The following PNLIPRP3 variants were observed in gnomAD, a reference collection of about 807,000 sequenced individuals.
PNLIPRP3 encodes pancreatic lipase-related protein 3.
Under a neutral mutation model 52.8 loss-of-function variants are expected in PNLIPRP3, and 58 were observed. The ratio of observed to expected loss-of-function variants is 1.10; its 90% CI spans 0.89 to 1.37. The LOEUF is 1.37. PNLIPRP3 is among the 40% of genes most tolerant of loss of function. The probability of loss-of-function intolerance (pLI) is 0.00; values close to 1 mark genes in which losing one functional copy is unlikely to be tolerated. For synonymous variants in PNLIPRP3, 192 were observed against 185.0 expected, an observed-to-expected ratio of 1.04 and a Z score of -0.31; for missense variants, 593 against 561.6, an observed-to-expected ratio of 1.06 and a Z score of -0.57.
chr10:116,443,284 T>C (rs1845884830), intron 3 of PNLIPRP3, 110 bp downstream of exon 3: 1 of 1,161,202 alleles, frequency 8.6e-7, no homozygotes, highest in African/African-American at 1.6e-5. Context: ...CATTCAGTTA[T>C]CCACAATTAT....
At chr10:116,437,401 C>T (rs1011963139) in intron 2 of PNLIPRP3, among the ~76,000 whole-genome samples, 6 of 152,028 alleles carry the variant, frequency 3.9e-5, no homozygotes, top group African/African-American at 1.2e-4. Flanking sequence ...GCAGGATGGG[C>T]AAAGTGCTCA....
chr10:116,446,698 CAA>C (rs1181423637), intron 4 of PNLIPRP3, among the ~76,000 whole-genome samples: 1 of 152,154 alleles, frequency 6.6e-6, no homozygotes, highest in Admixed American at 6.5e-5. Context: ...CAGTAACAGA[CAA>C]ATTTTCTTTG....
Position 116,466,156 on chromosome 10 carries a change from A to G in PNLIPRP3, c.915A>G (p.Thr305=). Residue 305 remains threonine (T), a synonymous_variant, in exon 8 of 12, where the codon ACA becomes ACG. Coordinates refer to ENST00000369230, the MANE Select transcript of PNLIPRP3 (RefSeq NM_001011709.3). ...TTGCTTATCCTTGTAGATCCTACACATCTTTTAAAGCAGTAAGTAAATCAT... is the reference window on the plus strand; with the variant it reads ...TTGCTTATCCTTGTAGATCCTACACGTCTTTTAAAGCAGTAAGTAAATCAT... ...AFIAYPCRSY[T]SFKAGNCFFC... is the part of the protein sequence containing the mutation. 3 of 1,598,980 alleles carry G rather than the reference A, an allele frequency of 1.9e-6. No individual in the cohort carries two copies. The highest frequency in any genetic ancestry group is 1.1e-5 in the South Asian group (1 of 90,182).
intron 1 of PNLIPRP3, among the ~76,000 whole-genome samples, chr10:116,431,903 C>A (rs992552459): frequency 6.6e-6 from 1 of 152,046 alleles, no homozygotes; most frequent in Non-Finnish European, 1.5e-5. Flanking sequence ...CATCTGCATG[C>A]GGTTTGCTCC....
intron 1 of PNLIPRP3, among the ~76,000 whole-genome samples, chr10:116,433,230 T>C (rs1459063362): frequency 7.2e-6 from 1 of 138,170 alleles, no homozygotes; most frequent in Non-Finnish European, 1.5e-5. Flanking sequence ...ATTGCATAAA[T>C]GCAAAATTTC....
At position 116,463,798 on chromosome 10, in the gene PNLIPRP3, T is replaced by G. The variant is rs148148496; in HGVS notation, c.809-2252T>G. Among the ~76,000 whole-genome samples the G allele has an allele frequency of 1.6e-4, 24 of 152,230 alleles. No individual in the cohort carries two copies. In the East Asian group the frequency reaches 4.6e-3, roughly 29 times the overall value. ...TAAGCTGTGTAGGTCATTCAAAGAA[T>G]AGTCCACGCCATTCAGTAAAAATAT... On this transcript the variant is annotated intron_variant, in intron 7 of 11. Transcript: ENST00000369230.
rs61729299 is a variant in PNLIPRP3, at chr10:116,455,757, G to A, written c.492G>A (p.Leu164=). ...KFEYSPSKVH[L]IGHSLGAHLA... ...AATATTCCCCTTCTAAAGTGCACTT[G>A]ATTGGCCACAGCTTGGGAGCACACC... Residue 164 remains leucine, a synonymous_variant, in exon 5 of 12, where the codon TTG becomes TTA. Transcript: ENST00000369230. 7,100 of 1,613,818 alleles carry A rather than the reference G, an allele frequency of 4.4e-3. 269 individuals carry two copies. In the African/African-American group the frequency reaches 0.084, roughly 19 times the overall value.
In PNLIPRP3 at chr10:116,460,974, C is replaced by G. The variant is rs755666360; in HGVS notation, c.574C>G (p.Pro192Ala). Residue 192 changes from proline to alanine, a missense_variant, in exon 6 of 12, where the codon CCA (proline) becomes GCA (alanine). Physicochemically the swap from Pro to Ala is conservative, Grantham distance 27. Coordinates refer to ENST00000369230, the MANE Select transcript of PNLIPRP3 (RefSeq NM_001011709.3). ...GGTTGTGCTTTCTCTAGGGTTGGAC[C>G]CAGCTGGGCCATTTTTCCACAACAC... ...PGLGRITGLD[P>A]AGPFFHNTPK... 4 of 1,611,620 alleles carry G rather than the reference C, an allele frequency of 2.5e-6. No homozygotes were observed. The South Asian group carries it at 4.4e-5, about 18-fold the overall frequency.
At chr10:116,449,015 CAAA>C (rs59582445) in intron 4 of PNLIPRP3, among the ~76,000 whole-genome samples, 2,763 of 133,894 alleles carry the variant, frequency 0.021, 35 homozygotes, top group Middle Eastern at 0.029. Context: ...GACTCCATCT[CAAA>C]AAAAAAAAAA....
Position 116,462,151 on chromosome 10 carries a change from A to G in PNLIPRP3, c.808+861A>G, listed in dbSNP as rs943329585. On this transcript the variant is annotated intron_variant, in intron 7 of 11. Transcript: ENST00000369230. ...TGGATGCTGTAATTACAAATTAAAC[A>G]AGTAGTATTTAACTTTTTATAGTAG... Among the ~76,000 whole-genome samples, 4 of 152,172 alleles carry G rather than the reference A, an allele frequency of 2.6e-5. No individual in the cohort carries two copies. The South Asian group carries it at 6.2e-4, about 24-fold the overall frequency.
At chr10:116,430,606 T>C (rs1283394758) in intron 1 of PNLIPRP3, among the ~76,000 whole-genome samples, 1 of 152,108 alleles carries the variant, frequency 6.6e-6, no homozygotes, top group Non-Finnish European at 1.5e-5. Flanking sequence ...CTGTAGGATT[T>C]ACACTGGATA....
rs1246956971 is a variant in PNLIPRP3 at position 116,444,456 on chromosome 10, T to C, written c.399T>C (p.Ala133=). 14 of 1,613,442 alleles carry C rather than the reference T, an allele frequency of 8.7e-6. No homozygotes were observed. Among genetic ancestry groups the C allele is most frequent in the Middle Eastern group, 1.6e-4 (1 of 6,080 alleles). Residue 133 remains alanine, a synonymous_variant, in exon 4 of 12, where the codon GCT becomes GCC. Transcript: ENST00000369230. Reference sequence around the variant, plus strand: ...ACGGTTCACGGGAATACATCCATGCTGTAAACAATCTCCGTGTTGTTGGTG... The same window carrying C: ...ACGGTTCACGGGAATACATCCATGCCGTAAACAATCTCCGTGTTGTTGGTG... The part of the protein sequence containing the change: ...WINGSREYIH[A]VNNLRVVGAE...
intron 1 of PNLIPRP3, among the ~76,000 whole-genome samples, chr10:116,428,354 T>C (rs562828124): frequency 6.6e-6 from 1 of 152,178 alleles, no homozygotes; most frequent in African/African-American, 2.4e-5. Context: ...TGCCGGACAG[T>C]CTTGTGTTGG....
intron 7 of PNLIPRP3, among the ~76,000 whole-genome samples, chr10:116,462,673 G>A (rs1164102258): frequency 6.6e-6 from 1 of 152,078 alleles, no homozygotes; most frequent in Non-Finnish European, 1.5e-5. Flanking sequence ...TCATACAAAA[G>A]AGGCATATTA....
intron 4 of PNLIPRP3, among the ~76,000 whole-genome samples, chr10:116,451,428 A>T (rs927467777): frequency 1.1e-4 from 16 of 152,192 alleles, no homozygotes; most frequent in Non-Finnish European, 2.4e-4. Context: ...AAATAGACAA[A>T]GAGGAGGATG....
intron 4 of PNLIPRP3, among the ~76,000 whole-genome samples, chr10:116,450,870 GCTATCTA>G (rs1217389142): frequency 6.6e-6 from 1 of 151,992 alleles, no homozygotes; most frequent in Non-Finnish European, 1.5e-5. Context: ...ACTACCCAAA[GCTATCTA>G]CAGATTCAAC....
intron 5 of PNLIPRP3, 133 bp from the exon 6 acceptor site, chr10:116,460,833 G>T (rs1201257535): frequency 5.0e-6 from 6 of 1,210,710 alleles, no homozygotes; most frequent in Admixed American, 2.5e-5. Context: ...ATAGATTTAG[G>T]TTATGTATCT....
Position 116,471,756 on chromosome 10 carries a change from C to T in PNLIPRP3, c.1061-12C>T, listed in dbSNP as rs774330560. ...CTTTCTCTCCCTTTCCTTCTTGTTT[C>T]CTTATATCTAGGTTGGAGGCACAAA... is the stretch of plus-strand genomic sequence containing the variant. On this transcript the variant is annotated splice_polypyrimidine_tract_variant and intron_variant, in intron 9 of 11. Transcript: ENST00000369230. The T allele has an allele frequency of 2.6e-6, 4 of 1,563,820 alleles. No homozygotes were observed. The highest frequency in any genetic ancestry group is 2.2e-5 in the South Asian group (2 of 89,642).
chr10:116,456,817 A>G (rs1358220422), intron 5 of PNLIPRP3, among the ~76,000 whole-genome samples: 1 of 152,024 alleles, frequency 6.6e-6, no homozygotes, highest in Non-Finnish European at 1.5e-5. Flanking sequence ...CGTCTCCTTC[A>G]TCTGCCTTTT....
Sources: allele counts gnomAD v4.1 joint callset (sites outside exome capture counted in the v4.1 genomes callset), GRCh38; gene constraint gnomAD v4.1.1; transcripts MANE v1.5; gene names NCBI Gene and HGNC (gene_info 2026-07-23, HGNC 2026-07-21).